ANKRD26: variants seen among roughly 807,000 people sequenced by gnomAD.
The protein encoded by ANKRD26 is ankyrin repeat domain-containing protein 26.
In ANKRD26, 141 loss-of-function variants were observed where a neutral mutation model predicts 208.7. The ratio of observed to expected loss-of-function variants is 0.68; its 90% CI spans 0.59 to 0.78. ANKRD26 has a LOEUF of 0.78. Ranked by LOEUF, ANKRD26 falls within the 30% of genes least tolerant of loss-of-function variation. The pLI is 0.00. For missense variants in ANKRD26, 1,889 were observed against 1,938.7 expected, an observed-to-expected ratio of 0.97 and a Z score of 0.48; for synonymous variants, 636 against 660.4, an observed-to-expected ratio of 0.96 and a Z score of 0.57.
At chr10:26,965,676 T>A in the ANKRD26 span, among the ~76,000 whole-genome samples, 2 of 152,100 alleles carry the variant, frequency 1.3e-5, no homozygotes, top group Admixed American at 1.3e-4. Flanking sequence ...AAAGAAACTA[T>A]CATCAAAGTG....
rs2056375928 is a variant in ANKRD26 at position 27,093,740 on chromosome 10, T to C, written c.302A>G (p.Asp101Gly). 8 of 1,614,122 alleles carry C rather than the reference T, an allele frequency of 5.0e-6. No homozygotes were observed. The highest frequency in any genetic ancestry group is 1.7e-5 in the Admixed American group (1 of 60,006). ...ACAGACATTGAGCTGGCATTTTCTGTCCACCAGGAGAGTTACTACTTCTGG... is the reference window on the plus strand; with the variant it reads ...ACAGACATTGAGCTGGCATTTTCTGCCCACCAGGAGAGTTACTACTTCTGG... ...GHPEVVTLLV[D>G]RKCQLNVCDN... Residue 101 changes from aspartate to glycine, a missense_variant, in exon 2 of 34, where the codon GAC (aspartate) becomes GGC (glycine). Asp to Gly is a moderately conservative substitution (Grantham distance 94, BLOSUM62 -1). This residue lies in a region of ANKRD26 where 1,272 missense variants were observed against 1,273.8 expected (regional missense o/e 1.00). Coordinates refer to ENST00000376087, the MANE Select transcript of ANKRD26 (RefSeq NM_014915.3).
At chr10:26,951,134 G>C in the ANKRD26 span, among the ~76,000 whole-genome samples, 1 of 150,702 alleles carries the variant, frequency 6.6e-6, no homozygotes, top group East Asian at 2.0e-4. Flanking sequence ...GCAAGACAGT[G>C]ACATGCTTTG....
In ANKRD26 at chr10:27,037,206, G is replaced by A. The variant is rs376457164; in HGVS notation, c.2677C>T (p.Gln893Ter). 3 of 1,613,448 alleles carry A rather than the reference G, an allele frequency of 1.9e-6. No individual in the cohort carries two copies. The highest frequency in any genetic ancestry group is 2.5e-6 in the Non-Finnish European group (3 of 1,179,600). Residue 893 changes from glutamine (Q) to a stop codon, truncating the protein, a stop_gained, in exon 23 of 34, where the codon CAA (glutamine) becomes TAA (stop). Transcript: ENST00000376087. LOFTEE classifies it high-confidence loss of function. ...LSKQKEIEMA[Q>*]KKMNSENSHS... The stretch of plus-strand genomic sequence containing the variant: ...AATACCTCAGAATTCATTTTCTTTT[G>A]AGCCATTTCAATCTCCTTTTGTTTG...
At chr10:27,063,715 C>A (rs1465757594) in intron 12 of ANKRD26, among the ~76,000 whole-genome samples, 1 of 152,168 alleles carries the variant, frequency 6.6e-6, no homozygotes, top group Non-Finnish European at 1.5e-5. Context: ...ACTCTCATGT[C>A]CTCTTTTACT....
chr10:27,061,372 C>A, intron 12 of ANKRD26, 130 bp from the exon 13 acceptor site: 1 of 580,036 alleles, frequency 1.7e-6, no homozygotes, highest in Non-Finnish European at 3.0e-6. Flanking sequence ...AAAATCAATG[C>A]AGTGTTTATT....
At chr10:27,089,058 A>G (rs1379479539) in intron 4 of ANKRD26, among the ~76,000 whole-genome samples, 1 of 152,162 alleles carries the variant, frequency 6.6e-6, no homozygotes, top group Non-Finnish European at 1.5e-5. Context: ...AAAAGTCCTA[A>G]CTTTGAAGTC....
At chr10:27,024,009 A>ACACACACACACACACAC in intron 28 of ANKRD26, among the ~76,000 whole-genome samples, 1 of 44,982 alleles carries the variant, frequency 2.2e-5, no homozygotes, top group African/African-American at 4.8e-5. Flanking sequence ...CACACACACA[A>ACACACACACACACACAC]AGAGGCAGAA....
downstream of ANKRD26, among the ~76,000 whole-genome samples, chr10:27,001,586 C>T (rs1311236775): frequency 1.3e-5 from 2 of 152,116 alleles, no homozygotes; most frequent in Non-Finnish European, 2.9e-5. Context: ...GCTAGGTGTG[C>T]CATTTGCATA....
rs541587685 is a variant in ANKRD26 at position 26,979,499 on chromosome 10, G to C, written c.*281+1077C>G. 3.3e-5 allele frequency among the ~76,000 whole-genome samples: 5 copies of C among 152,266 alleles called. No individual in the cohort carries two copies. In the South Asian group the frequency reaches 8.3e-4, roughly 25 times the overall value. On this transcript the variant is annotated intron_variant and NMD_transcript_variant, in intron 5 of 5. Coordinates refer to the ANKRD26 transcript ENST00000674670. ...AAACCTGACAAAACGGTAAGGTATA[G>C]GTTTGGATTTAAAGCATGAGATAGT...
At chr10:26,980,312 G>C (rs941718543) in intron 5 of ANKRD26, among the ~76,000 whole-genome samples, 1 of 152,184 alleles carries the variant, frequency 6.6e-6, no homozygotes, top group Non-Finnish European at 1.5e-5. Context: ...GGGACTTGTT[G>C]TCATCCTATT....
rs780613456 is a variant in ANKRD26, at chr10:27,077,379, T to TA, written c.1035_1036insT (p.Lys346Ter). 29 of 1,613,974 alleles carry TA rather than the reference T, an allele frequency of 1.8e-5. No individual in the cohort carries two copies. The highest frequency in any genetic ancestry group is 2.5e-5 in the Non-Finnish European group (29 of 1,180,002). On this transcript the variant is annotated frameshift_variant, in exon 9 of 34. Transcript: ENST00000376087. LOFTEE classifies it high-confidence loss of function. Reference sequence around the variant, plus strand: ...TTTGCTAACGACTTGTGGGAAGGTTTTGGAAGAAGGTCAGGTGATTGATAG... The same window carrying TA: ...TTTGCTAACGACTTGTGGGAAGGTTTATGGAAGAAGGTCAGGTGATTGATAG...
the ANKRD26 span, among the ~76,000 whole-genome samples, chr10:26,957,429 GATTATA>G: frequency 2.0e-5 from 3 of 152,072 alleles, no homozygotes; most frequent in Non-Finnish European, 2.9e-5. Flanking sequence ...AAGACGAATA[GATTATA>G]ATTATATCAA....
Position 27,006,925 on chromosome 10 carries a change from A to G in ANKRD26, c.4991T>C (p.Leu1664Pro). The change falls in exon 33 of 34, where the codon CTC becomes CCC. Residue 1664 changes from leucine (L) to proline (P), a missense_variant. Leu to Pro is a moderately conservative substitution (Grantham distance 98, BLOSUM62 -3). This residue lies in a region of ANKRD26 where 613 missense variants were observed against 648.2 expected (regional missense o/e 0.95). Coordinates refer to ENST00000376087, the MANE Select transcript of ANKRD26 (RefSeq NM_014915.3). ...QELEKNITRELKEAAAELESG... is the reference protein window; with the variant it reads ...QELEKNITREPKEAAAELESG... ...GAAGTTTGGCAACATACCTTCTTTG[A>G]GTTCTCTAGTTATATTTTTTTCCAA... 11 of 1,608,924 alleles carry G rather than the reference A, an allele frequency of 6.8e-6. No homozygotes were observed. Among genetic ancestry groups the G allele is most frequent in the Non-Finnish European group, 9.4e-6 (11 of 1,176,262 alleles).
At position 27,099,670 on chromosome 10, in the gene ANKRD26, C is replaced by T. The variant is rs1260101364; in HGVS notation, c.242+415G>A. On this transcript the variant is annotated intron_variant, in intron 1 of 33. Transcript: ENST00000376087. ...TGCTGTGATTACAGGCGCGAGCCAC[C>T]GCGCCTGACGAATAACAGATTTTAT... Among the ~76,000 whole-genome samples, 9 of 152,310 alleles carry T rather than the reference C, an allele frequency of 5.9e-5. No individual in the cohort carries two copies. The East Asian group carries it at 9.6e-4, about 16-fold the overall frequency.
the ANKRD26 span, among the ~76,000 whole-genome samples, chr10:26,954,071 G>C: frequency 6.6e-6 from 1 of 152,180 alleles, no homozygotes; most frequent in Non-Finnish European, 1.5e-5. Context: ...TTTCTGGCGT[G>C]AATGTTAAAA....
chr10:27,058,869 C>T (rs1158415467), intron 15 of ANKRD26, among the ~76,000 whole-genome samples: 2 of 151,812 alleles, frequency 1.3e-5, no homozygotes, highest in Non-Finnish European at 2.9e-5. Context: ...AGGCACCGCG[C>T]CCAGCCCACA....
chr10:27,022,068 T>C (rs2053508394), intron 29 of ANKRD26, among the ~76,000 whole-genome samples: 1 of 152,236 alleles, frequency 6.6e-6, no homozygotes, highest in South Asian at 2.1e-4. Flanking sequence ...AATTTTTGCT[T>C]TTGTTGCAAT....
At chr10:27,078,602 GTTT>G (rs2055784400) in intron 7 of ANKRD26, among the ~76,000 whole-genome samples, 1 of 152,006 alleles carries the variant, frequency 6.6e-6, no homozygotes, top group South Asian at 2.1e-4. Flanking sequence ...TTTACAACCA[GTTT>G]TTTAAAAAAT....
chr10:27,024,535 T>C lies in ANKRD26; in HGVS notation c.3997A>G (p.Lys1333Glu). 1 of 1,577,864 alleles carries C rather than the reference T, an allele frequency of 6.3e-7. No homozygotes were observed. The highest frequency in any genetic ancestry group is 8.7e-7 in the Non-Finnish European group (1 of 1,149,690). Reference sequence around the variant, plus strand: ...GACTGTTTTAATTCCATAAGTTTCTTTAATTGTTCCTTTTCATCTTCAGAC... The same window carrying C: ...GACTGTTTTAATTCCATAAGTTTCTCTAATTGTTCCTTTTCATCTTCAGAC... ...NLSEDEKEQL[K>E]KLMELKQSLE... Residue 1333 changes from lysine (K) to glutamate (E), a missense_variant, in exon 28 of 34, where the codon AAG (lysine) becomes GAG (glutamate). Lys to Glu is a moderately conservative substitution (Grantham distance 56). Transcript: ENST00000376087.
Sources: gnomAD v4.1 joint callset for allele counts (sites outside exome capture counted in the v4.1 genomes callset) on GRCh38, gnomAD v4.1.1 for gene constraint, gnomAD v4.1.1 regional missense constraint, MANE v1.5 for transcripts, NCBI Gene and HGNC (gene_info 2026-07-23, HGNC 2026-07-21) for gene names.